The following ABCB11 variants were observed in gnomAD, a reference collection of about 807,000 sequenced individuals.
ABCB11 encodes the protein bile salt export pump.
ABCB11 carries 95 observed loss-of-function variants against 148.0 expected under a neutral mutation model. The observed-to-expected ratio is 0.64, with a 90% confidence interval of 0.54 to 0.76. ABCB11 has a LOEUF of 0.76. Among genes scored for constraint, ABCB11 ranks in the 30% least tolerant of loss-of-function variants. The pLI is 0.00. For synonymous variants in ABCB11, 591 were observed against 555.4 expected, an observed-to-expected ratio of 1.06 and a Z score of -0.90; for missense variants, 1,523 against 1,617.8, an observed-to-expected ratio of 0.94 and a Z score of 1.01.
At chr2:168,952,360 AT>A (rs975379643) in intron 19 of ABCB11, among the ~76,000 whole-genome samples, 1,856 of 149,356 alleles carry the variant, frequency 0.012, 43 homozygotes, top group African/African-American at 0.043. Context: ...CTGGGCTTTT[AT>A]TTTTTTTTGT....
At chr2:169,000,754 C>G (rs1694845721) in intron 5 of ABCB11, among the ~76,000 whole-genome samples, 1 of 152,000 alleles carries the variant, frequency 6.6e-6, no homozygotes, top group Admixed American at 6.6e-5. Context: ...TTTAGCTATT[C>G]CAGTTTTTTT....
At chr2:168,981,040 G>T (rs944885048) in intron 10 of ABCB11, among the ~76,000 whole-genome samples, 37 of 152,272 alleles carry the variant, frequency 2.4e-4, no homozygotes, top group African/African-American at 7.5e-4. Flanking sequence ...CTGCATGAAT[G>T]TAGTCTTTTT....
chr2:169,000,042 TTTTGA>T (rs1272041893), intron 5 of ABCB11, among the ~76,000 whole-genome samples: 9 of 152,118 alleles, frequency 5.9e-5, no homozygotes, highest in African/African-American at 2.2e-4. Flanking sequence ...TAATATCTCA[TTTTGA>T]TTTAATTTGC....
intron 5 of ABCB11, among the ~76,000 whole-genome samples, chr2:169,002,680 C>G (rs1694910845): frequency 3.3e-5 from 5 of 152,086 alleles, no homozygotes; most frequent in Admixed American, 3.3e-4. Flanking sequence ...AAGCCAGGCA[C>G]AGAAAGACAA....
chr2:168,955,308 T>C (rs1471819191), intron 19 of ABCB11, among the ~76,000 whole-genome samples: 1 of 151,630 alleles, frequency 6.6e-6, no homozygotes, highest in African/African-American at 2.4e-5. Flanking sequence ...TTCCTGACAC[T>C]GGGTAATTTA....
rs537575091 is a variant in ABCB11, at chr2:168,996,713, G to A, written c.399C>T (p.Asn133=). Residue 133 remains asparagine (N), a synonymous_variant, in exon 6 of 28, where the codon AAC becomes AAT. Coordinates refer to ENST00000650372, the MANE Select transcript of ABCB11 (RefSeq NM_003742.4). ...MTNGTRCGLL[N]IESEMIKFAS... ...CAAATTTGATCATTTCGCTCTCGAT[G>A]TTCAGCAACCTTCAAAAGAGGGAAA... The A allele has an allele frequency of 1.4e-4, 215 of 1,556,950 alleles. 1 individual carries two copies. The South Asian group carries it at 2.5e-3, about 18-fold the overall frequency.
At chr2:168,985,015 T>C (rs1323535425) in intron 10 of ABCB11, among the ~76,000 whole-genome samples, 1 of 150,318 alleles carries the variant, frequency 6.7e-6, no homozygotes, top group African/African-American at 2.5e-5. Context: ...TGGGAGAAAA[T>C]CTTCACAATC....
chr2:168,968,192 CTCCATTGTAA>C (rs1414976508), intron 17 of ABCB11, among the ~76,000 whole-genome samples: 3 of 151,348 alleles, frequency 2.0e-5, no homozygotes, highest in African/African-American at 7.3e-5. Context: ...CATAAAGCAT[CTCCATTGTAA>C]CCCTTATCCC....
Position 169,013,398 on chromosome 2 carries a change from T to A in ABCB11, c.263A>T (p.Asp88Val), listed in dbSNP as rs1695251731. The A allele has an allele frequency of 1.9e-6, 3 of 1,613,832 alleles. No individual in the cohort carries two copies. Among genetic ancestry groups the A allele is most frequent in the Non-Finnish European group, 2.5e-6 (3 of 1,179,782 alleles). Reference protein sequence around the residue: ...GVLLIFGTMTDVFIDYDVELQ... With the variant: ...GVLLIFGTMTVVFIDYDVELQ... ...CTCAACGTCGTAGTCAATAAAAACATCTGTCATTGTGCCAAAAATGAGTAG... is the reference window on the plus strand; with the variant it reads ...CTCAACGTCGTAGTCAATAAAAACAACTGTCATTGTGCCAAAAATGAGTAG... Residue 88 changes from aspartate to valine, a missense_variant, in exon 5 of 28, where the codon GAT (aspartate) becomes GTT (valine). Asp to Val is a radical substitution (Grantham distance 152). Transcript: ENST00000650372.
At chr2:169,012,318 G>A (rs1393532912) in intron 5 of ABCB11, among the ~76,000 whole-genome samples, 1 of 152,156 alleles carries the variant, frequency 6.6e-6, no homozygotes, top group Non-Finnish European at 1.5e-5. Flanking sequence ...CAAAGGCCAT[G>A]CTATGACAGT....
chr2:168,969,134 G>A (rs1435329450), intron 16 of ABCB11, among the ~76,000 whole-genome samples: 1 of 148,500 alleles, frequency 6.7e-6, no homozygotes, highest in Non-Finnish European at 1.5e-5. Flanking sequence ...AAAAAAAAGG[G>A]GGGGATGGAA....
intron 10 of ABCB11, among the ~76,000 whole-genome samples, chr2:168,980,205 A>G (rs1694088240): frequency 6.6e-6 from 1 of 151,302 alleles, no homozygotes. Flanking sequence ...TTATTTTTTT[A>G]CTGAATATTA....
At chr2:169,027,768 C>T (rs1282802908) in intron 1 of ABCB11, among the ~76,000 whole-genome samples, 1 of 152,122 alleles carries the variant, frequency 6.6e-6, no homozygotes, top group Non-Finnish European at 1.5e-5. Flanking sequence ...TGTCAGTGCC[C>T]ACTACTTGCC....
intron 11 of ABCB11, among the ~76,000 whole-genome samples, chr2:168,977,014 C>A (rs1403792808): frequency 1.3e-5 from 2 of 148,498 alleles, no homozygotes; most frequent in African/African-American, 4.9e-5. Context: ...TATATATTAA[C>A]ATAATACATA....
chr2:169,029,804 A>G (rs1231657190), intron 1 of ABCB11, among the ~76,000 whole-genome samples: 3 of 133,538 alleles, frequency 2.2e-5, no homozygotes, highest in African/African-American at 3.0e-5. Context: ...GCAGTGGCGC[A>G]ATCTCGGCTC....
At chr2:168,934,787 T>C (rs1406473550) in intron 23 of ABCB11, among the ~76,000 whole-genome samples, 1 of 152,228 alleles carries the variant, frequency 6.6e-6, no homozygotes, top group East Asian at 1.9e-4. Flanking sequence ...TCTATTTTTT[T>C]CTATTCCTTA....
chr2:168,952,413 T>A (rs183708590), intron 19 of ABCB11, among the ~76,000 whole-genome samples: 1 of 151,732 alleles, frequency 6.6e-6, no homozygotes, highest in Admixed American at 6.6e-5. Context: ...CTACTCATTA[T>A]TAGTCTGTTC....
At chr2:168,940,248 A>T (rs1343432458) in intron 21 of ABCB11, among the ~76,000 whole-genome samples, 1 of 152,064 alleles carries the variant, frequency 6.6e-6, no homozygotes, top group Non-Finnish European at 1.5e-5. Flanking sequence ...AGCCTCATTT[A>T]GTCCTGAGAT....
chr2:169,026,573 G>A (rs2106075377), intron 1 of ABCB11, among the ~76,000 whole-genome samples: 1 of 152,346 alleles, frequency 6.6e-6, no homozygotes, highest in South Asian at 2.1e-4. Context: ...GGCCTTGCCT[G>A]TGATATTTGC....
Sources: allele counts gnomAD v4.1 joint callset (sites outside exome capture counted in the v4.1 genomes callset), GRCh38; gene constraint gnomAD v4.1.1; transcripts MANE v1.5; gene names NCBI Gene and HGNC (gene_info 2026-07-23, HGNC 2026-07-21).